Variants in HIPK2 observed in about 807,000 individuals in gnomAD.
HIPK2 encodes the protein homeodomain-interacting protein kinase 2.
In HIPK2, 27 loss-of-function variants were observed where a neutral mutation model predicts 113.7. The observed-to-expected ratio is 0.24, with a 90% CI of 0.17 to 0.33. The LOEUF is 0.33. Among genes scored for constraint, HIPK2 ranks in the 10% least tolerant of loss-of-function variants. The pLI, the probability that HIPK2 is intolerant of heterozygous loss-of-function variation, is 1.00. For missense variants in HIPK2, 1,257 were observed against 1,588.0 expected (o/e 0.79, Z 3.54); for synonymous variants, 631 against 642.2 (o/e 0.98, Z 0.26).
chr7:139,581,064 CA>C (rs1337731901), intron 13 of HIPK2, among the ~76,000 whole-genome samples: 1 of 152,020 alleles, frequency 6.6e-6, no homozygotes, highest in Non-Finnish European at 1.5e-5. Context: ...TACCGAAATA[CA>C]AAAAGTTAGC....
chr7:139,697,576 G>T lies in HIPK2; in HGVS notation c.1103+18356C>A, dbSNP rs1231258306. 3.8e-4 allele frequency among the ~76,000 whole-genome samples: 56 copies of T among 146,894 alleles called. No individual in the cohort carries two copies. The East Asian group carries it at 5.2e-3, about 14-fold the overall frequency. On this transcript the variant is annotated intron_variant, in intron 2 of 14. Coordinates refer to ENST00000406875, the MANE Select transcript of HIPK2 (RefSeq NM_022740.5). ...CATCCCATTCCTACTTAGCCTAAAGGTTTTTTTTTTTCTGTTTAAAAAATA... is the reference window on the plus strand; with the variant it reads ...CATCCCATTCCTACTTAGCCTAAAGTTTTTTTTTTTTCTGTTTAAAAAATA...
At chr7:139,685,458 C>T (rs9691603) in intron 2 of HIPK2, among the ~76,000 whole-genome samples, 105,001 of 152,070 alleles carry the variant, frequency 0.69, 37,474 homozygotes, top group African/African-American at 0.81. Context: ...CCACCACACC[C>T]GGCCAACAGG....
chr7:139,776,885 C>T (rs1796769508), intron 1 of HIPK2, among the ~76,000 whole-genome samples: 1 of 152,138 alleles, frequency 6.6e-6, no homozygotes, highest in Non-Finnish European at 1.5e-5. Flanking sequence ...TTCTTTCTTG[C>T]TAAAGGCAGT....
At chr7:139,756,762 A>G (rs997293559) in intron 1 of HIPK2, among the ~76,000 whole-genome samples, 1 of 152,168 alleles carries the variant, frequency 6.6e-6, no homozygotes, top group African/African-American at 2.4e-5. Flanking sequence ...GTCTCACAAC[A>G]AAATTGAGTG....
In HIPK2 at chr7:139,613,385, A is replaced by C. The variant is rs1053004537; in HGVS notation, c.1991-62T>G. On this transcript the variant is annotated intron_variant, in intron 8 of 14. Coordinates refer to ENST00000406875, the MANE Select transcript of HIPK2 (RefSeq NM_022740.5). The surrounding 1 kb of genome is among the most constrained non-coding windows in gnomAD (Gnocchi z 4.2). ...GAGACGCTGTGAACAGCTGGATGAA[A>C]AGAACCTTCCTGGGCAGTTATGTCA... is the stretch of plus-strand genomic sequence containing the variant. 1 of 1,588,286 alleles carries C rather than the reference A, an allele frequency of 6.3e-7. No homozygotes were observed. The highest frequency in any genetic ancestry group is 8.6e-7 in the Non-Finnish European group (1 of 1,166,716).
intron 1 of HIPK2, among the ~76,000 whole-genome samples, chr7:139,759,103 C>T (rs142166209): frequency 4.0e-4 from 61 of 152,094 alleles, no homozygotes; most frequent in African/African-American, 1.5e-3. Context: ...AGAAAAAGAC[C>T]AACAACATAG....
chr7:139,762,557 A>T (rs1796483883), intron 1 of HIPK2, among the ~76,000 whole-genome samples: 1 of 152,244 alleles, frequency 6.6e-6, no homozygotes, highest in Non-Finnish European at 1.5e-5. Flanking sequence ...CAATACGGAT[A>T]CACGTGCACA....
In HIPK2 at chr7:139,569,723, T is replaced by C. The variant is rs555395589; in HGVS notation, c.*3204A>G. 57 of 150,424 alleles carry C rather than the reference T, an allele frequency of 3.8e-4. No homozygotes were observed. The highest frequency in any genetic ancestry group is 1.4e-3 in the African/African-American group (55 of 40,134). 9.3% of individuals were successfully genotyped at this position (150,424 alleles called of 1,614,324 possible). ...ATAGAGATGACAGAAACAATTTTCC[T>C]ACTTCCTAAGTCTTTCCTTTTTTTT... On this transcript the variant is annotated 3_prime_UTR_variant, in exon 15 of 15. Coordinates refer to ENST00000406875, the MANE Select transcript of HIPK2 (RefSeq NM_022740.5).
intron 13 of HIPK2, among the ~76,000 whole-genome samples, chr7:139,577,998 G>A (rs1798545300): frequency 6.6e-6 from 1 of 151,870 alleles, no homozygotes; most frequent in Non-Finnish European, 1.5e-5. Context: ...TTACAGGCAT[G>A]CACCACCACG....
At chr7:139,751,800 C>A (rs542465008) in intron 1 of HIPK2, among the ~76,000 whole-genome samples, 1 of 152,256 alleles carries the variant, frequency 6.6e-6, no homozygotes, top group Non-Finnish European at 1.5e-5. Context: ...CAAAGATAGA[C>A]CTTCCAGATT....
chr7:139,690,675 A>C (rs142015451), intron 2 of HIPK2, among the ~76,000 whole-genome samples: 5 of 152,104 alleles, frequency 3.3e-5, no homozygotes, highest in African/African-American at 1.2e-4. Context: ...TTTAAAAATA[A>C]AATAAAATAA....
chr7:139,775,657 C>G (rs1406376222), intron 1 of HIPK2, among the ~76,000 whole-genome samples: 2 of 152,152 alleles, frequency 1.3e-5, no homozygotes, highest in Non-Finnish European at 2.9e-5. Flanking sequence ...GTTCATGAGA[C>G]TTTTGAGATC....
chr7:139,760,031 C>T (rs1233320527), intron 1 of HIPK2, among the ~76,000 whole-genome samples: 4 of 150,130 alleles, frequency 2.7e-5, no homozygotes, highest in Admixed American at 2.6e-4. Context: ...GAGACAGAGT[C>T]TTGCTCTGTC....
chr7:139,722,027 C>G (rs1404884676), intron 1 of HIPK2: 2 of 474,244 alleles, frequency 4.2e-6, no homozygotes, highest in Admixed American at 4.3e-5. Context: ...CACTCTGTCT[C>G]ATAAACAGGC....
Position 139,584,012 on chromosome 7 carries a change from A to G in HIPK2, c.2770T>C (p.Ser924Pro), listed in dbSNP as rs1798755593. Residue 924 changes from serine (S) to proline (P), a missense_variant, in exon 13 of 15, where the codon TCC (serine) becomes CCC (proline). Physicochemically the swap from Ser to Pro is moderately conservative, Grantham distance 74. Transcript: ENST00000406875. Reference protein sequence around the residue: ...NVISCVTVHDSPYSDSSSNTS... With the variant: ...NVISCVTVHDPPYSDSSSNTS... ...TTGCTGGAGGAGTCGGAGTAGGGGG[A>G]GTCGTGGACTGTGACACAGCTGATG... 1 of 1,611,848 alleles carries G rather than the reference A, an allele frequency of 6.2e-7. No individual in the cohort carries two copies. The highest frequency in any genetic ancestry group is 1.3e-5 in the African/African-American group (1 of 74,828).
chr7:139,739,716 TCCC>T (rs990738684), intron 1 of HIPK2, among the ~76,000 whole-genome samples: 2 of 152,056 alleles, frequency 1.3e-5, no homozygotes, highest in Non-Finnish European at 2.9e-5. Context: ...CACTCCCCAT[TCCC>T]CCTTCCCACA....
At chr7:139,670,751 CTTTCTTTCTTTTTT>C (rs1407972967) in intron 2 of HIPK2, among the ~76,000 whole-genome samples, 2 of 58,986 alleles carry the variant, frequency 3.4e-5, no homozygotes, top group African/African-American at 1.1e-4. Flanking sequence ...TTCTTTCTTT[CTTTCTTTCTTTTTT>C]TTTTTTTTTT....
intron 13 of HIPK2, 129 bp from the exon 14 acceptor site, chr7:139,575,417 C>A: frequency 9.3e-7 from 1 of 1,078,856 alleles, no homozygotes; most frequent in Admixed American, 2.7e-5. Context: ...AACAAATCAG[C>A]CTCATCTCCC....
At chr7:139,746,962 A>G (rs1273491408) in intron 1 of HIPK2, among the ~76,000 whole-genome samples, 1 of 152,230 alleles carries the variant, frequency 6.6e-6, no homozygotes, top group African/African-American at 2.4e-5. Flanking sequence ...AATCAGAATG[A>G]TAACTAAGTA....
Sources: gnomAD v4.1 joint callset for allele counts (sites outside exome capture counted in the v4.1 genomes callset) on GRCh38, gnomAD v4.1.1 for gene constraint, Gnocchi (gnomAD v3.1) non-coding constraint, MANE v1.5 for transcripts, NCBI Gene and HGNC (gene_info 2026-07-23, HGNC 2026-07-21) for gene names.